Variants in THSD7B observed in about 807,000 individuals in gnomAD.
The protein encoded by THSD7B is thrombospondin type 1 domain containing 7B, also known as thrombospondin type-1 domain-containing protein 7B.
Under a neutral mutation model 213.6 loss-of-function variants are expected in THSD7B, and 138 were observed. The ratio of observed to expected loss-of-function variants is 0.65; its 90% CI spans 0.56 to 0.74. The LOEUF is 0.74. THSD7B is among the 30% of genes least tolerant of loss of function. THSD7B has a pLI of 0.00. For synonymous variants in THSD7B, 742 were observed against 687.0 expected (o/e 1.08, Z -1.25); for missense variants, 1,931 against 1,991.5 (o/e 0.97, Z 0.58).
At chr2:137,445,914 G>GA (rs1370526298) in intron 14 of THSD7B, among the ~76,000 whole-genome samples, 1 of 150,814 alleles carries the variant, frequency 6.6e-6, no homozygotes, top group Non-Finnish European at 1.5e-5. Flanking sequence ...GTTGAAAAAG[G>GA]AAAAAACATT....
At position 136,924,750 on chromosome 2, in the gene THSD7B, G is replaced by C. The variant is rs568947915; in HGVS notation, c.139+42433G>C. On this transcript the variant is annotated intron_variant, in intron 2 of 27. Coordinates refer to ENST00000409968, the MANE Select transcript of THSD7B (RefSeq NM_001316349.2). Reference sequence around the variant, plus strand: ...GTTTTCATAAGGATTGCAATGAATTGATAAGTCACTTGGGAAAGCGTGATC... The same window carrying C: ...GTTTTCATAAGGATTGCAATGAATTCATAAGTCACTTGGGAAAGCGTGATC... 6.6e-4 allele frequency among the ~76,000 whole-genome samples: 101 copies of C among 152,196 alleles called. 2 individuals carry two copies. The highest frequency in any genetic ancestry group is 1.8e-3 in the African/African-American group (76 of 41,528).
At chr2:136,836,876 G>A (rs905364160) in intron 1 of THSD7B, among the ~76,000 whole-genome samples, 1 of 152,058 alleles carries the variant, frequency 6.6e-6, no homozygotes, top group Non-Finnish European at 1.5e-5. Context: ...CCATGATCTA[G>A]CTCCTCTCTT....
intron 17 of THSD7B, among the ~76,000 whole-genome samples, chr2:137,573,697 G>A (rs576357745): frequency 7.2e-4 from 110 of 152,036 alleles, no homozygotes; most frequent in Middle Eastern, 3.4e-3. Context: ...TTTAGTACTC[G>A]TACTAATCCT....
chr2:136,974,076 T>A (rs780257969), intron 2 of THSD7B, among the ~76,000 whole-genome samples: 20 of 152,354 alleles, frequency 1.3e-4, no homozygotes, highest in Non-Finnish European at 2.6e-4. Context: ...TTTATTTTCA[T>A]CTTGCCATTG....
intron 12 of THSD7B, among the ~76,000 whole-genome samples, chr2:137,400,926 C>G (rs919034374): frequency 6.6e-6 from 1 of 152,118 alleles, no homozygotes; most frequent in Non-Finnish European, 1.5e-5. Context: ...GGGGCATTTG[C>G]CAGCCCTGAT....
chr2:137,303,791 T>C (rs1683673264), intron 12 of THSD7B, among the ~76,000 whole-genome samples: 1 of 146,604 alleles, frequency 6.8e-6, no homozygotes, highest in Admixed American at 6.9e-5. Context: ...AAATAGGATT[T>C]GGAGCTTCTC....
chr2:137,080,188 A>G (rs76945471), intron 3 of THSD7B, among the ~76,000 whole-genome samples: 3,196 of 133,774 alleles, frequency 0.024, 109 homozygotes, highest in East Asian at 0.18. Flanking sequence ...GTGTGTGTGT[A>G]TATATATATA....
intron 12 of THSD7B, among the ~76,000 whole-genome samples, chr2:137,292,881 TG>T (rs1683369336): frequency 6.6e-6 from 1 of 152,136 alleles, no homozygotes; most frequent in African/African-American, 2.4e-5. Context: ...TTTCATCTTA[TG>T]GGTTAAATTT....
intron 2 of THSD7B, among the ~76,000 whole-genome samples, chr2:136,989,659 GCAC>G (rs1685731945): frequency 6.6e-6 from 1 of 152,182 alleles, no homozygotes; most frequent in Non-Finnish European, 1.5e-5. Flanking sequence ...AAAGACTAAA[GCAC>G]TGTTGGTGGG....
At chr2:137,395,443 C>A (rs1574003403) in intron 12 of THSD7B, among the ~76,000 whole-genome samples, 1 of 150,064 alleles carries the variant, frequency 6.7e-6, no homozygotes, top group East Asian at 2.0e-4. Flanking sequence ...GTCTTTGGCT[C>A]TGTTTATATG....
chr2:137,512,449 T>C (rs1211285372), intron 15 of THSD7B, among the ~76,000 whole-genome samples: 2 of 136,652 alleles, frequency 1.5e-5, no homozygotes, highest in African/African-American at 2.9e-5. Flanking sequence ...TGGAGAGCAA[T>C]GGCATAATCA....
At chr2:136,979,079 G>T (rs563106216) in intron 2 of THSD7B, among the ~76,000 whole-genome samples, 3 of 151,980 alleles carry the variant, frequency 2.0e-5, no homozygotes, top group Non-Finnish European at 4.4e-5. Flanking sequence ...TGAAATTCTG[G>T]GTTGGAAATT....
chr2:136,862,233 T>C (rs1560358), intron 1 of THSD7B, among the ~76,000 whole-genome samples: 146,855 of 152,236 alleles, frequency 0.96, 71,088 homozygotes, highest in East Asian at 1. Flanking sequence ...CCATAGTCTG[T>C]CCTGTGGCCT....
intron 2 of THSD7B, among the ~76,000 whole-genome samples, chr2:136,953,340 G>C (rs1685071980): frequency 6.6e-6 from 1 of 152,114 alleles, no homozygotes; most frequent in Non-Finnish European, 1.5e-5. Context: ...CTGATTAGTG[G>C]CTTTAAAGAA....
intron 1 of THSD7B, among the ~76,000 whole-genome samples, chr2:136,874,278 G>A (rs1325847434): frequency 6.6e-6 from 1 of 152,136 alleles, no homozygotes; most frequent in Non-Finnish European, 1.5e-5. Context: ...TCTAAAGTGG[G>A]GCATAATATG....
rs574293820 is a variant in THSD7B, at chr2:137,022,787, A to C, written c.140-33633A>C. ...TGTTTTATTTAGTGCATGGGTCAGC[A>C]AACATTCTGTGGAAGGCCAGCAGCT... On this transcript the variant is annotated intron_variant, in intron 2 of 27. Coordinates refer to ENST00000409968, the MANE Select transcript of THSD7B (RefSeq NM_001316349.2). Among the ~76,000 whole-genome samples the C allele has an allele frequency of 9.2e-5, 14 of 152,288 alleles. No homozygotes were observed. In the East Asian group the frequency reaches 2.7e-3, roughly 29 times the overall value.
At chr2:137,675,210 G>C (rs1354995913) in intron 27 of THSD7B, among the ~76,000 whole-genome samples, 2 of 151,946 alleles carry the variant, frequency 1.3e-5, no homozygotes. Context: ...GAAGAGTGCA[G>C]AGTTGCCTTT....
intron 12 of THSD7B, among the ~76,000 whole-genome samples, chr2:137,316,769 AG>A (rs370346471): frequency 0.55 from 56,475 of 102,086 alleles, 11,987 homozygotes; most frequent in Non-Finnish European, 0.58. Context: ...AAAAAAAAAA[AG>A]AAAAAGAAAA....
intron 2 of THSD7B, among the ~76,000 whole-genome samples, chr2:137,029,331 A>G (rs1686616205): frequency 6.6e-6 from 1 of 152,062 alleles, no homozygotes; most frequent in Non-Finnish European, 1.5e-5. Context: ...TGGCCACTTC[A>G]GCCTCCCAAA....
Sources: allele counts gnomAD v4.1 joint callset (sites outside exome capture counted in the v4.1 genomes callset), GRCh38; gene constraint gnomAD v4.1.1; transcripts MANE v1.5; gene names NCBI Gene and HGNC (gene_info 2026-07-23, HGNC 2026-07-21).